The following DHX16 variants were observed in gnomAD, a reference collection of about 807,000 sequenced individuals.
The protein encoded by DHX16 is pre-mRNA-splicing factor ATP-dependent RNA helicase DHX16.
Under a neutral mutation model 131.2 loss-of-function variants are expected in DHX16, and 81 were observed. The ratio of observed to expected loss-of-function variants is 0.62; its 90% CI spans 0.52 to 0.74. The LOEUF (loss-of-function observed/expected upper bound fraction) is 0.74. Among genes scored for constraint, DHX16 ranks in the 30% least tolerant of loss-of-function variants. The probability of loss-of-function intolerance (pLI) is 0.00; values close to 1 mark genes in which losing one functional copy is unlikely to be tolerated. For missense variants in DHX16, 980 were observed against 1,363.1 expected, an observed-to-expected ratio of 0.72 and a Z score of 4.43; for synonymous variants, 440 against 520.2, an observed-to-expected ratio of 0.85 and a Z score of 2.10.
Position 30,670,363 on chromosome 6 carries a change from C to G in DHX16, c.666+47G>C. 1.9e-6 allele frequency: 3 copies of G among 1,557,686 alleles called. No homozygotes were observed. Among genetic ancestry groups the G allele is most frequent in the Non-Finnish European group, 2.6e-6 (3 of 1,141,014 alleles). ...CTCCCTATACACTCTATCAGAAAGTCTTTCCTTTTGTCTTCTGATCTTGGC... is the reference window on the plus strand; with the variant it reads ...CTCCCTATACACTCTATCAGAAAGTGTTTCCTTTTGTCTTCTGATCTTGGC... On this transcript the variant is annotated intron_variant, in intron 4 of 19. Coordinates refer to ENST00000376442, the MANE Select transcript of DHX16 (RefSeq NM_003587.5). The surrounding 1 kb of genome is among the most constrained non-coding windows in gnomAD (Gnocchi z 4.4).
intron 4 of DHX16, among the ~76,000 whole-genome samples, chr6:30,667,326 T>C (rs1168852115): frequency 6.6e-6 from 1 of 152,116 alleles, no homozygotes; most frequent in Non-Finnish European, 1.5e-5. Context: ...CTCACGCCTG[T>C]AATCCCAGCA....
In DHX16 at chr6:30,653,236, C is replaced by G; in HGVS notation, c.*6G>C. On this transcript the variant is annotated 3_prime_UTR_variant, in exon 20 of 20. Coordinates refer to ENST00000376442, the MANE Select transcript of DHX16 (RefSeq NM_003587.5). The stretch of plus-strand genomic sequence containing the variant: ...GCTGGTGTCAGGTTCTGTTTACGTC[C>G]TTCTCTTACCCTAGCTCTTCTCGTG... 6.8e-6 allele frequency: 11 copies of G among 1,612,142 alleles called. No individual in the cohort carries two copies. Among genetic ancestry groups the G allele is most frequent in the Non-Finnish European group, 9.3e-6 (11 of 1,179,748 alleles).
In DHX16 at chr6:30,672,624, C is replaced by A; in HGVS notation, c.207+11G>T. 6.9e-6 allele frequency: 11 copies of A among 1,604,738 alleles called. No individual in the cohort carries two copies. The highest frequency in any genetic ancestry group is 9.4e-6 in the Non-Finnish European group (11 of 1,173,178). On this transcript the variant is annotated intron_variant, in intron 1 of 19. Transcript: ENST00000376442. ...ACAAATCACAGGGCCCCTCCCCACC[C>A]CTGCCGACACCTTGTTCCAGAGTCT...
At chr6:30,658,944 T>C (rs576282972) in intron 12 of DHX16, among the ~76,000 whole-genome samples, 5 of 152,022 alleles carry the variant, frequency 3.3e-5, no homozygotes, top group Admixed American at 1.3e-4. Flanking sequence ...TGGAGTGCAG[T>C]GGCACAATCT....
At position 30,655,327 on chromosome 6, in the gene DHX16, T is replaced by A; in HGVS notation, c.2671A>T (p.Ser891Cys). The change falls in exon 18 of 20, where the codon AGT becomes TGT. Residue 891 changes from serine to cysteine, a missense_variant. By Grantham distance (112) the Ser-to-Cys change is moderately radical (BLOSUM62 -1). This residue lies in a region of DHX16 where 214 missense variants were observed against 271.2 expected (regional missense o/e 0.79). Coordinates refer to ENST00000376442, the MANE Select transcript of DHX16 (RefSeq NM_003587.5). ...LLNVYTQWAE[S>C]GYSSQWCYEN... is the part of the protein sequence containing the mutation. ...TAGCACCACTGGGAAGAGTAACCAC[T>A]CTCAGCCCACTGGGAAGACAGTTAA... is the stretch of plus-strand genomic sequence containing the variant. 2.5e-6 allele frequency: 4 copies of A among 1,614,042 alleles called. No homozygotes were observed. Among genetic ancestry groups the A allele is most frequent in the Non-Finnish European group, 3.4e-6 (4 of 1,179,994 alleles).
intron 4 of DHX16, among the ~76,000 whole-genome samples, chr6:30,668,486 A>G (rs532267722): frequency 1.3e-5 from 2 of 152,164 alleles, no homozygotes; most frequent in East Asian, 3.9e-4. Flanking sequence ...CCCTATCTCT[A>G]CTAAACATAC....
At chr6:30,671,856 A>T (rs1317810225) in intron 1 of DHX16, among the ~76,000 whole-genome samples, 1 of 144,202 alleles carries the variant, frequency 6.9e-6, no homozygotes, top group African/African-American at 2.6e-5. Context: ...CTAATTTTTA[A>T]TTTTTTTGTA....
At chr6:30,655,034 G>T (rs376158283) in intron 18 of DHX16, 141 bp downstream of exon 18, 1 of 1,408,474 alleles carries the variant, frequency 7.1e-7, no homozygotes, top group Non-Finnish European at 9.8e-7. Context: ...GTCTGGGGAA[G>T]AAAGGGCCCT....
At chr6:30,667,834 C>T (rs2127592775) in intron 4 of DHX16, among the ~76,000 whole-genome samples, 1 of 152,250 alleles carries the variant, frequency 6.6e-6, no homozygotes, top group Non-Finnish European at 1.5e-5. Flanking sequence ...AGACCCAATT[C>T]CTGCTTCAAA....
In DHX16 at chr6:30,656,810, A is replaced by T; in HGVS notation, c.2149-51T>A. Reference sequence around the variant, plus strand: ...CTGACAATTTGGTCAGGGAAAAGAAAAAGGCAGTATTTATGCAAGAAATCT... The same window carrying T: ...CTGACAATTTGGTCAGGGAAAAGAATAAGGCAGTATTTATGCAAGAAATCT... On this transcript the variant is annotated intron_variant, in intron 13 of 19. Coordinates refer to ENST00000376442, the MANE Select transcript of DHX16 (RefSeq NM_003587.5). The surrounding 1 kb of genome is among the most constrained non-coding windows in gnomAD (Gnocchi z 5.1). The T allele has an allele frequency of 6.2e-7, 1 of 1,608,434 alleles. No individual in the cohort carries two copies. The highest frequency in any genetic ancestry group is 2.2e-5 in the East Asian group (1 of 44,844).
rs1561965176 is a variant in DHX16 at position 30,654,596 on chromosome 6, C to G, written c.2997+110G>C. Reference sequence around the variant, plus strand: ...AGGATGTCTTTCTATTTTACCCTACCTTCCTCTTTCTGTACCAGTCCCAGC... The same window carrying G: ...AGGATGTCTTTCTATTTTACCCTACGTTCCTCTTTCTGTACCAGTCCCAGC... On this transcript the variant is annotated intron_variant, in intron 19 of 19. Transcript: ENST00000376442. The G allele has an allele frequency of 3.7e-6, 4 of 1,083,468 alleles. No individual in the cohort carries two copies. In the East Asian group the frequency reaches 1.0e-4, roughly 28 times the overall value. The allele number at this position is 1,083,468 out of a possible 1,614,324, so 67.1% of individuals were successfully genotyped here.
In DHX16 at chr6:30,656,273, GAA is replaced by G. The variant is rs768530394; in HGVS notation, c.2431-10_2431-9del. On this transcript the variant is annotated splice_polypyrimidine_tract_variant and intron_variant, in intron 15 of 19. Transcript: ENST00000376442. This position sits in a 1 kb window ranked among gnomAD's most constrained non-coding sequence, Gnocchi z 5.1. ...TGCCATCTTTCGACCAGACTAAGGA[GAA>G]GAGAGAGAGAGTTGAGCCCAGTCCT... 7 of 1,613,944 alleles carry G rather than the reference GAA, an allele frequency of 4.3e-6. No individual in the cohort carries two copies. The African/African-American group carries it at 5.3e-5, about 12-fold the overall frequency.
In DHX16 at chr6:30,662,756, C is replaced by A; in HGVS notation, c.1429-14G>T. The A allele has an allele frequency of 6.2e-7, 1 of 1,610,194 alleles. No individual in the cohort carries two copies. Among genetic ancestry groups the A allele is most frequent in the Non-Finnish European group, 8.5e-7 (1 of 1,178,098 alleles). On this transcript the variant is annotated splice_polypyrimidine_tract_variant and intron_variant, in intron 8 of 19. Coordinates refer to ENST00000376442, the MANE Select transcript of DHX16 (RefSeq NM_003587.5). The surrounding 1 kb of genome is among the most constrained non-coding windows in gnomAD (Gnocchi z 4.7). ...GCTGTAGCCAACCTGGTCAAGGGAA[C>A]CATTAGCAACCAAGTGTGGGCTGGT...
intron 19 of DHX16, 139 bp from the exon 20 acceptor site, chr6:30,653,509 G>T: frequency 1.1e-6 from 1 of 935,260 alleles, no homozygotes; most frequent in Non-Finnish European, 1.5e-6. Context: ...ATGGCTCAAA[G>T]CAGTCCTACT....
rs757235100 is a variant in DHX16, at chr6:30,671,240, C to G, written c.242G>C (p.Arg81Pro). Residue 81 changes from arginine to proline, a missense_variant, in exon 2 of 20, where the codon CGG becomes CCG. By Grantham distance (103) the Arg-to-Pro change is moderately radical. Transcript: ENST00000376442. ...PRKAVVEKPA[R>P]AAEREARALL... Reference sequence around the variant, plus strand: ...GGCCCGGGCCTCTCGCTCTGCTGCCCGAGCTGGCTTTTCTACCACTGCCTT... The same window carrying G: ...GGCCCGGGCCTCTCGCTCTGCTGCCGGAGCTGGCTTTTCTACCACTGCCTT... 3.7e-6 allele frequency: 6 copies of G among 1,612,924 alleles called. No homozygotes were observed. Among genetic ancestry groups the G allele is most frequent in the Non-Finnish European group, 5.1e-6 (6 of 1,180,032 alleles).
intron 7 of DHX16, among the ~76,000 whole-genome samples, chr6:30,664,345 C>T (rs1461878463): frequency 6.6e-6 from 1 of 151,592 alleles, no homozygotes; most frequent in Non-Finnish European, 1.5e-5. Flanking sequence ...GGTGTGGTGG[C>T]GCATGCCTGT....
chr6:30,655,065 A>G, intron 18 of DHX16, 110 bp downstream of exon 18: 1 of 1,484,448 alleles, frequency 6.7e-7, no homozygotes, highest in Non-Finnish European at 9.2e-7. Context: ...GTCATACACA[A>G]GGGGAAGAGG....
rs1243296267 is a variant in DHX16, at chr6:30,657,087, A to G, written c.2013T>C (p.Val671=). The stretch of plus-strand genomic sequence containing the variant: ...ATGTCTCAGCAATGTTCGTTGCCAC[A>G]ACCACCTGAGTGATAGGATATGGGG... ...QPTPPGARKV[V]VATNIAETSL... Residue 671 remains valine, a synonymous_variant, in exon 13 of 20, where the codon GTT becomes GTC. Transcript: ENST00000376442. The G allele has an allele frequency of 6.2e-7, 1 of 1,612,414 alleles. No individual in the cohort carries two copies.
chr6:30,670,910 C>CT lies in DHX16; in HGVS notation c.488dup (p.Trp164ValfsTer7), dbSNP rs1273360428. ...GGCGTTCACGCTCTGTCCGTTCCCA[C>CT]TCATCTTCCGACTCTGGCTTCTCTG... On this transcript the variant is annotated frameshift_variant, in exon 3 of 20. Coordinates refer to ENST00000376442, the MANE Select transcript of DHX16 (RefSeq NM_003587.5). LOFTEE classifies it high-confidence loss of function. This position sits in a 1 kb window ranked among gnomAD's most constrained non-coding sequence, Gnocchi z 4.4. The CT allele has an allele frequency of 1.2e-6, 2 of 1,613,120 alleles. No individual in the cohort carries two copies. Among genetic ancestry groups the CT allele is most frequent in the Non-Finnish European group, 1.7e-6 (2 of 1,180,038 alleles).
Sources: allele counts gnomAD v4.1 joint callset (sites outside exome capture counted in the v4.1 genomes callset), GRCh38; gene constraint gnomAD v4.1.1; regional missense constraint gnomAD v4.1.1; non-coding constraint Gnocchi (gnomAD v3.1); transcripts MANE v1.5; gene names NCBI Gene and HGNC (gene_info 2026-07-23, HGNC 2026-07-21).